The following BIRC6 variants were observed in gnomAD, a reference collection of about 807,000 sequenced individuals.
BIRC6 encodes the protein baculoviral IAP repeat containing 6.
A neutral mutation model predicts 503.3 loss-of-function variants in BIRC6; 98 were observed. The observed-to-expected ratio is 0.19, with a 90% CI of 0.17 to 0.23. The LOEUF (loss-of-function observed/expected upper bound fraction) is 0.23. Among genes scored for constraint, BIRC6 ranks in the 10% least tolerant of loss-of-function variants. The pLI is 1.00. For missense variants in BIRC6, 5,360 were observed against 5,806.0 expected (o/e 0.92, Z 2.50); for synonymous variants, 2,240 against 2,078.7 (o/e 1.08, Z -2.11).
Position 32,476,600 on chromosome 2 carries a change from T to G in BIRC6, c.6852+256T>G, listed in dbSNP as rs1312248371. On this transcript the variant is annotated intron_variant, in intron 34 of 73. Transcript: ENST00000421745. Reference sequence around the variant, plus strand: ...AGATAAAGGATAGTGGAATGTATAGTTTTGCTAATGTGGCATTGATAGAGC... The same window carrying G: ...AGATAAAGGATAGTGGAATGTATAGGTTTGCTAATGTGGCATTGATAGAGC... Among the ~76,000 whole-genome samples, 6 of 152,172 alleles carry G rather than the reference T, an allele frequency of 3.9e-5. 2 individuals carry two copies. Among genetic ancestry groups the G allele is most frequent in the Non-Finnish European group, 8.8e-5 (6 of 67,998 alleles).
chr2:32,370,145 C>T (rs561465252), intron 1 of BIRC6, among the ~76,000 whole-genome samples: 1 of 151,040 alleles, frequency 6.6e-6, no homozygotes, highest in Admixed American at 6.6e-5. Context: ...TGTCCCAAGA[C>T]GTTGAGAGAT....
At chr2:32,366,323 A>C (rs2034924822) in intron 1 of BIRC6, among the ~76,000 whole-genome samples, 1 of 152,216 alleles carries the variant, frequency 6.6e-6, no homozygotes, top group South Asian at 2.1e-4. Flanking sequence ...TTGCCCTCCA[A>C]CTTCAAAAAT....
intron 23 of BIRC6, among the ~76,000 whole-genome samples, chr2:32,455,368 G>T (rs1360727733): frequency 8.4e-6 from 1 of 118,422 alleles, no homozygotes; most frequent in Non-Finnish European, 1.6e-5. Context: ...CAAACAGCAA[G>T]ACTCTGTCTC....
chr2:32,510,098 T>C, intron 52 of BIRC6, 104 bp downstream of exon 52: 1 of 1,328,688 alleles, frequency 7.5e-7, no homozygotes, highest in South Asian at 1.3e-5. Flanking sequence ...TTATTTTTTC[T>C]TTTAGTTTAT....
intron 73 of BIRC6, among the ~76,000 whole-genome samples, chr2:32,613,611 C>A (rs1271003036): frequency 6.6e-6 from 1 of 152,092 alleles, no homozygotes; most frequent in Non-Finnish European, 1.5e-5. Flanking sequence ...GAACTCCAGG[C>A]TGGTCTTGAA....
Position 32,513,006 on chromosome 2 carries a change from T to C in BIRC6, c.10420T>C (p.Tyr3474His), listed in dbSNP as rs2054596344. 1 of 1,613,828 alleles carries C rather than the reference T, an allele frequency of 6.2e-7. No homozygotes were observed. Among genetic ancestry groups the C allele is most frequent in the Non-Finnish European group, 8.5e-7 (1 of 1,179,870 alleles). Reference protein sequence around the residue: ...AAMKRSGRMNYMCPNSSTVEY... With the variant: ...AAMKRSGRMNHMCPNSSTVEY... ...TATGAAGAGAAGTGGCAGGATGAAC[T>C]ACATGTGTCCTAACTCCTCAACAGT... Residue 3474 changes from tyrosine to histidine, a missense_variant, in exon 54 of 74, where the codon TAC becomes CAC. By Grantham distance (83) the Tyr-to-His change is moderately conservative. Transcript: ENST00000421745.
chr2:32,515,335 T>C lies in BIRC6; in HGVS notation c.10914T>C (p.Ser3638=). The C allele has an allele frequency of 1.2e-6, 2 of 1,613,802 alleles. No homozygotes were observed. The highest frequency in any genetic ancestry group is 3.3e-4 in the Middle Eastern group (2 of 6,062). ...DSGLPSLLVR[S]LASFCFSHIS... ...GTTTGCCTTCTCTTCTTGTGAGGAGTCTGGCTAGTTTCTGCTTTAGCCACA... is the reference window on the plus strand; with the variant it reads ...GTTTGCCTTCTCTTCTTGTGAGGAGCCTGGCTAGTTTCTGCTTTAGCCACA... Residue 3638 remains serine, a synonymous_variant, in exon 55 of 74, where the codon AGT becomes AGC. Transcript: ENST00000421745.
chr2:32,357,105 G>C lies in BIRC6; in HGVS notation c.-57G>C. ...GCCGGGCGATCGACGTTCCGCGTGC[G>C]TGCGGGCGCCTGACTTCACTTCCGG... On this transcript the variant is annotated 5_prime_UTR_variant, in exon 1 of 74. Transcript: ENST00000421745. This position sits in a 1 kb window ranked among gnomAD's most constrained non-coding sequence, Gnocchi z 4.9. The C allele has an allele frequency of 7.2e-7, 1 of 1,380,748 alleles. No individual in the cohort carries two copies. The highest frequency in any genetic ancestry group is 9.4e-7 in the Non-Finnish European group (1 of 1,061,544). 85.5% of individuals were successfully genotyped at this position (1,380,748 alleles called of 1,614,324 possible).
At chr2:32,577,761 G>A (rs2060358329) in intron 66 of BIRC6, among the ~76,000 whole-genome samples, 1 of 152,130 alleles carries the variant, frequency 6.6e-6, no homozygotes, top group Non-Finnish European at 1.5e-5. Flanking sequence ...AATTCACCAT[G>A]AAAATTTAAT....
intron 16 of BIRC6, 67 bp downstream of exon 16, chr2:32,439,753 T>A: frequency 7.1e-7 from 1 of 1,406,176 alleles, no homozygotes; most frequent in Non-Finnish European, 9.8e-7. Context: ...TTTAACACAC[T>A]ATTAGAAGTA....
chr2:32,607,556 T>C lies in BIRC6; in HGVS notation c.14172T>C (p.Ser4724=), dbSNP rs1419249866. Residue 4724 remains serine (S), a synonymous_variant, in exon 72 of 74, where the codon TCT becomes TCC. Transcript: ENST00000421745. ...GCACTCCCAGTGGCACACAGAGTTC[T>C]CGAGAATATGATGGAAACATTCGAC... ...SRGTPSGTQS[S]REYDGNIRQA... is the part of the protein sequence containing the mutation. 6.2e-7 allele frequency: 1 copy of C among 1,613,932 alleles called. No individual in the cohort carries two copies. Among genetic ancestry groups the C allele is most frequent in the Admixed American group, 1.7e-5 (1 of 60,016 alleles).
At chr2:32,608,653 G>T (rs1471605307) in intron 72 of BIRC6, among the ~76,000 whole-genome samples, 1 of 152,098 alleles carries the variant, frequency 6.6e-6, no homozygotes, top group Non-Finnish European at 1.5e-5. Context: ...CTGACCTCAG[G>T]TGATCCACCT....
intron 65 of BIRC6, among the ~76,000 whole-genome samples, chr2:32,558,178 A>G (rs2058915908): frequency 6.6e-6 from 1 of 152,194 alleles, no homozygotes. Flanking sequence ...TGTTTTTAAC[A>G]TTTGGGCTGA....
intron 65 of BIRC6, among the ~76,000 whole-genome samples, chr2:32,568,982 C>CT (rs199909930): frequency 0.1 from 13,240 of 131,268 alleles, 1,213 homozygotes; most frequent in Middle Eastern, 0.18. Context: ...CCATGTCTCT[C>CT]TCTTTTTTTT....
chr2:32,572,052 GT>G (rs2059950518), intron 65 of BIRC6, among the ~76,000 whole-genome samples: 1 of 152,130 alleles, frequency 6.6e-6, no homozygotes, highest in Non-Finnish European at 1.5e-5. Flanking sequence ...TGTTGGTATT[GT>G]TTTCTAGCTT....
At position 32,515,170 on chromosome 2, in the gene BIRC6, C is replaced by T. The variant is rs764359603; in HGVS notation, c.10749C>T (p.Ser3583=). ...ATAGACTGTCCATGACAGATGATAG[C>T]AAAAAGCAGGATCTTAGTTCATCTT... ...CHHRLSMTDD[S]KKQDLSSSLT... The change falls in exon 55 of 74, where the codon AGC becomes AGT. Residue 3583 remains serine, a synonymous_variant. Coordinates refer to ENST00000421745, the MANE Select transcript of BIRC6 (RefSeq NM_016252.4). The T allele has an allele frequency of 6.2e-7, 1 of 1,613,890 alleles. No homozygotes were observed. Among genetic ancestry groups the T allele is most frequent in the South Asian group, 1.1e-5 (1 of 91,084 alleles).
At chr2:32,367,564 G>A (rs1253051260) in intron 1 of BIRC6, among the ~76,000 whole-genome samples, 1 of 152,146 alleles carries the variant, frequency 6.6e-6, no homozygotes, top group Non-Finnish European at 1.5e-5. Context: ...GCTGTCGCGT[G>A]TAATCCCAGC....
intron 1 of BIRC6, among the ~76,000 whole-genome samples, chr2:32,362,216 G>A (rs1042798817): frequency 2.6e-5 from 4 of 152,044 alleles, no homozygotes; most frequent in Admixed American, 6.6e-5. Flanking sequence ...TAGTTGTGTA[G>A]TGGTATCTCC....
Position 32,377,656 on chromosome 2 carries a change from T to C in BIRC6, c.394T>C (p.Tyr132His). The C allele has an allele frequency of 6.8e-6, 11 of 1,613,504 alleles. No homozygotes were observed. Among genetic ancestry groups the C allele is most frequent in the Non-Finnish European group, 9.3e-6 (11 of 1,179,622 alleles). ...AVDKVIFVDD[Y>H]AVGCRKDLNG... ...GGATAAAGTTATATTTGTGGATGAT[T>C]ATGCAGTAGGGTGTAGGAAGGACCT... Residue 132 changes from tyrosine to histidine, a missense_variant, in exon 2 of 74, where the codon TAT (tyrosine) becomes CAT (histidine). Around this residue, in one of 16 missense-constraint regions of BIRC6, gnomAD observed 47 missense variants for 93.3 expected, o/e 0.50. Transcript: ENST00000421745.
Sources: allele counts gnomAD v4.1 joint callset (sites outside exome capture counted in the v4.1 genomes callset), GRCh38; gene constraint gnomAD v4.1.1; regional missense constraint gnomAD v4.1.1; non-coding constraint Gnocchi (gnomAD v3.1); transcripts MANE v1.5; gene names NCBI Gene and HGNC (gene_info 2026-07-23, HGNC 2026-07-21).